SPECC1L: variants seen among roughly 807,000 people sequenced by gnomAD.
SPECC1L encodes the protein cytospin-A.
A neutral mutation model predicts 116.8 loss-of-function variants in SPECC1L; 40 were observed. The observed-to-expected ratio is 0.34, with a 90% CI of 0.27 to 0.45. The LOEUF (loss-of-function observed/expected upper bound fraction) is 0.45. Among genes scored for constraint, SPECC1L ranks in the 20% least tolerant of loss-of-function variants. The probability of loss-of-function intolerance (pLI) is 1.00; values close to 1 mark genes in which losing one functional copy is unlikely to be tolerated. For missense variants in SPECC1L, 1,110 were observed against 1,373.6 expected (o/e 0.81, Z 3.03); for synonymous variants, 504 against 500.6 (o/e 1.01, Z -0.09).
intron 14 of SPECC1L, among the ~76,000 whole-genome samples, chr22:24,392,326 T>C (rs1282370975): frequency 6.7e-6 from 1 of 148,728 alleles, no homozygotes; most frequent in Non-Finnish European, 1.5e-5. Context: ...TCTTTATGTA[T>C]CATCTCAAAT....
rs138449725 is a variant in SPECC1L, at chr22:24,343,506, G to A, written c.2653-3580G>A. On this transcript the variant is annotated intron_variant, in intron 10 of 16. Coordinates refer to ENST00000314328, the MANE Select transcript of SPECC1L (RefSeq NM_015330.6). ...GATGGAGTCTAGTTCTGTCGCCCAC[G>A]CTGGAATGCAGTGGCGTGACCTTGG... is the stretch of plus-strand genomic sequence containing the variant. The A allele has an allele frequency of 1.1e-3, 483 of 445,296 alleles. 2 individuals are homozygous for A. Among genetic ancestry groups the A allele is most frequent in the African/African-American group, 8.9e-3 (434 of 49,022 alleles). 27.6% of individuals were successfully genotyped at this position (445,296 alleles called of 1,614,324 possible).
chr22:24,340,290 G>A (rs2041149997), intron 10 of SPECC1L, among the ~76,000 whole-genome samples: 1 of 151,790 alleles, frequency 6.6e-6, no homozygotes, highest in Admixed American at 6.6e-5. Flanking sequence ...CAGGATTACA[G>A]GTGTGCACCA....
At chr22:24,315,443 T>C (rs2040541629) in intron 4 of SPECC1L, among the ~76,000 whole-genome samples, 1 of 152,248 alleles carries the variant, frequency 6.6e-6, no homozygotes, top group African/African-American at 2.4e-5. Context: ...TGGGGATCTG[T>C]TTTGACAAGG....
chr22:24,301,641 G>T (rs1253205693), intron 2 of SPECC1L, among the ~76,000 whole-genome samples: 1 of 152,068 alleles, frequency 6.6e-6, no homozygotes. Context: ...TCTAATGTAT[G>T]GTTTCTAAAG....
chr22:24,382,759 G>C lies in SPECC1L; in HGVS notation c.3087+13439G>C, dbSNP rs112197977. On this transcript the variant is annotated intron_variant, in intron 14 of 16. Transcript: ENST00000314328. Reference sequence around the variant, plus strand: ...GAACTCAGCCAGCATGGTGGCACCTGTCTGTAGTCCCAGCTACTCAGGAGG... The same window carrying C: ...GAACTCAGCCAGCATGGTGGCACCTCTCTGTAGTCCCAGCTACTCAGGAGG... Among the ~76,000 whole-genome samples the C allele has an allele frequency of 4.0e-5, 6 of 149,782 alleles. 1 individual carries two copies. Among genetic ancestry groups the C allele is most frequent in the African/African-American group, 1.5e-4 (6 of 40,760 alleles).
intron 11 of SPECC1L, among the ~76,000 whole-genome samples, chr22:24,359,025 C>T (rs575463892): frequency 3.3e-4 from 51 of 152,286 alleles, no homozygotes; most frequent in African/African-American, 1.1e-3. Context: ...ATTTCCTTCT[C>T]CTGTATCTTC....
chr22:24,330,175 C>G, intron 7 of SPECC1L, 81 bp from the exon 8 acceptor site: 1 of 1,424,502 alleles, frequency 7.0e-7, no homozygotes, highest in Non-Finnish European at 9.9e-7. Flanking sequence ...TATAGCAATC[C>G]AATCATAAAC....
rs954188922 is a variant in SPECC1L, at chr22:24,305,924, C to CT, written c.153+3554dup. 3.8e-3 allele frequency among the ~76,000 whole-genome samples: 543 copies of CT among 144,526 alleles called. 2 individuals are homozygous for CT. The highest frequency in any genetic ancestry group is 8.9e-3 in the African/African-American group (352 of 39,638). The allele number at this position is 144,526 out of a possible 152,430, so 94.8% of individuals were successfully genotyped here. ...AAGATTGAATACCTTTTCATACAAT[C>CT]TTTTTTTTTTTTTTGAGATGGAGTT... On this transcript the variant is annotated intron_variant, in intron 3 of 16. Coordinates refer to ENST00000314328, the MANE Select transcript of SPECC1L (RefSeq NM_015330.6).
At chr22:24,410,228 G>T (rs2042668810) in intron 14 of SPECC1L, among the ~76,000 whole-genome samples, 1 of 152,194 alleles carries the variant, frequency 6.6e-6, no homozygotes, top group South Asian at 2.1e-4. Context: ...CTGTTCACAG[G>T]CACAGTCATA....
rs1459594535 is a variant in SPECC1L, at chr22:24,330,251, T to C, written c.2221-5T>C. 5.6e-6 allele frequency: 9 copies of C among 1,613,732 alleles called. No individual in the cohort carries two copies. Among genetic ancestry groups the C allele is most frequent in the Non-Finnish European group, 7.6e-6 (9 of 1,179,880 alleles). Reference sequence around the variant, plus strand: ...TGGAAATAAAAAGTTAGTTTTTTAATATAGGAAGAATCTGCGGAATGGCGG... The same window carrying C: ...TGGAAATAAAAAGTTAGTTTTTTAACATAGGAAGAATCTGCGGAATGGCGG... On this transcript the variant is annotated splice_polypyrimidine_tract_variant and splice_region_variant and intron_variant, in intron 7 of 16. Coordinates refer to ENST00000314328, the MANE Select transcript of SPECC1L (RefSeq NM_015330.6).
At chr22:24,277,736 T>A (rs890293776) in intron 2 of SPECC1L, among the ~76,000 whole-genome samples, 4 of 152,258 alleles carry the variant, frequency 2.6e-5, no homozygotes, top group African/African-American at 9.6e-5. Flanking sequence ...AATGATATAC[T>A]TTATTTGTCC....
chr22:24,297,172 G>C (rs2049283265), intron 2 of SPECC1L, among the ~76,000 whole-genome samples: 1 of 150,490 alleles, frequency 6.6e-6, no homozygotes, highest in African/African-American at 2.5e-5. Flanking sequence ...CTGACCTCAG[G>C]GGATCCATCC....
chr22:24,288,365 G>C (rs1175046836), intron 2 of SPECC1L, among the ~76,000 whole-genome samples: 6 of 151,904 alleles, frequency 3.9e-5, no homozygotes, highest in Non-Finnish European at 1.5e-5. Context: ...TTGTGACAAC[G>C]AAAAATGTGT....
intron 11 of SPECC1L, among the ~76,000 whole-genome samples, chr22:24,360,267 T>G (rs900429975): frequency 1.3e-5 from 2 of 152,246 alleles, no homozygotes; most frequent in Admixed American, 1.3e-4. Flanking sequence ...TAAATGGACC[T>G]GTGTTCTTAC....
intron 4 of SPECC1L, among the ~76,000 whole-genome samples, chr22:24,319,562 TCCTACTC>T (rs2040677525): frequency 6.6e-6 from 1 of 152,236 alleles, no homozygotes; most frequent in Admixed American, 6.5e-5. Context: ...TACATTTCTT[TCCTACTC>T]AGGATCATTT....
At chr22:24,310,751 T>G (rs189816017) in intron 3 of SPECC1L, among the ~76,000 whole-genome samples, 30 of 152,326 alleles carry the variant, frequency 2.0e-4, no homozygotes, top group Admixed American at 5.9e-4. Flanking sequence ...AAATATACTT[T>G]CCCAGTTTTT....
intron 5 of SPECC1L, chr22:24,323,242 G>A (rs148123201): frequency 6.7e-6 from 2 of 300,230 alleles, no homozygotes; most frequent in African/African-American, 2.2e-5. Flanking sequence ...ACCTCCCCCC[G>A]CCTCATCTCG....
intron 13 of SPECC1L, among the ~76,000 whole-genome samples, chr22:24,367,845 G>A (rs1289188743): frequency 6.6e-6 from 1 of 152,194 alleles, no homozygotes; most frequent in African/African-American, 2.4e-5. Flanking sequence ...GGGCTGCTAA[G>A]TTCACAGAAC....
intron 11 of SPECC1L, among the ~76,000 whole-genome samples, chr22:24,351,753 G>T (rs927142121): frequency 6.6e-6 from 1 of 152,196 alleles, no homozygotes; most frequent in South Asian, 2.1e-4. Flanking sequence ...GATGAGAGTA[G>T]GATTTCTGAG....
Sources: gnomAD v4.1 joint callset for allele counts (sites outside exome capture counted in the v4.1 genomes callset) on GRCh38, gnomAD v4.1.1 for gene constraint, MANE v1.5 for transcripts, NCBI Gene and HGNC (gene_info 2026-07-23, HGNC 2026-07-21) for gene names.